Variants in ENTREP2 observed in about 807,000 individuals in gnomAD.
The protein encoded by ENTREP2 is protein ENTREP2.
At chr15:29,393,223 G>C in the ENTREP2 span, among the ~76,000 whole-genome samples, 6 of 152,144 alleles carry the variant, frequency 3.9e-5, no homozygotes, top group African/African-American at 1.4e-4. Context: ...TGCATGCATT[G>C]CTTGCTGTTC....
chr15:29,327,213 A>G, the ENTREP2 span, among the ~76,000 whole-genome samples: 2 of 152,208 alleles, frequency 1.3e-5, no homozygotes, highest in Admixed American at 6.5e-5. Context: ...AATATTTGTA[A>G]AACACATATC....
chr15:29,478,019 A>ATATATAT, the ENTREP2 span, among the ~76,000 whole-genome samples: 1 of 54,286 alleles, frequency 1.8e-5, no homozygotes, highest in African/African-American at 9.0e-5. Flanking sequence ...ATATATATAT[A>ATATATAT]TTTTTTTTTT....
At chr15:29,608,326 T>C in the ENTREP2 span, among the ~76,000 whole-genome samples, 1 of 152,090 alleles carries the variant, frequency 6.6e-6, no homozygotes, top group Non-Finnish European at 1.5e-5. Context: ...TAGAGCCACC[T>C]GCTTTCAGGG....
At chr15:29,594,714 G>A in the ENTREP2 span, among the ~76,000 whole-genome samples, 1 of 152,074 alleles carries the variant, frequency 6.6e-6, no homozygotes, top group Admixed American at 6.6e-5. Flanking sequence ...TGTAATCCCA[G>A]CACTTTGGGA....
At chr15:29,616,574 G>T in the ENTREP2 span, among the ~76,000 whole-genome samples, 1 of 152,156 alleles carries the variant, frequency 6.6e-6, no homozygotes, top group African/African-American at 2.4e-5. Context: ...ATGACTTGAT[G>T]ATCTGATTGG....
the ENTREP2 span, among the ~76,000 whole-genome samples, chr15:29,650,815 C>A: frequency 6.6e-6 from 1 of 152,060 alleles, no homozygotes; most frequent in East Asian, 1.9e-4. Context: ...TCAAGAGCAG[C>A]CTGAGCAACA....
chr15:29,376,287 T>C, the ENTREP2 span: 1 of 152,182 alleles, frequency 6.6e-6, no homozygotes, highest in Admixed American at 6.5e-5. Context: ...GTTTCCATTA[T>C]TCATACATAA....
At chr15:29,441,394 G>A in the ENTREP2 span, among the ~76,000 whole-genome samples, 1 of 152,122 alleles carries the variant, frequency 6.6e-6, no homozygotes, top group African/African-American at 2.4e-5. Context: ...TGGATGGATG[G>A]TGGTAGTCAT....
the ENTREP2 span, among the ~76,000 whole-genome samples, chr15:29,532,403 A>G: frequency 6.6e-6 from 1 of 152,226 alleles, no homozygotes; most frequent in African/African-American, 2.4e-5. Flanking sequence ...TTAAAAATGC[A>G]CTTGATTTAG....
At chr15:29,444,458 CTTTT>C in the ENTREP2 span, among the ~76,000 whole-genome samples, 1 of 129,508 alleles carries the variant, frequency 7.7e-6, no homozygotes, top group Non-Finnish European at 1.7e-5. Context: ...CAGCTTCCTT[CTTTT>C]TTTTCTTTTT....
the ENTREP2 span, chr15:29,252,228 T>C: frequency 2.0e-6 from 1 of 509,034 alleles, no homozygotes; most frequent in Non-Finnish European, 3.5e-6. Context: ...TTAACCTAAA[T>C]ACCCTAAACT....
chr15:29,555,745 C>A, the ENTREP2 span, among the ~76,000 whole-genome samples: 2 of 152,232 alleles, frequency 1.3e-5, no homozygotes, highest in Non-Finnish European at 2.9e-5. Flanking sequence ...CCTAACTCCC[C>A]TCTGAGAGTT....
chr15:29,349,588 G>T, the ENTREP2 span, among the ~76,000 whole-genome samples: 17 of 152,280 alleles, frequency 1.1e-4, no homozygotes, highest in African/African-American at 3.6e-4. Flanking sequence ...AACTTATAGT[G>T]ATAACCCAAC....
the ENTREP2 span, among the ~76,000 whole-genome samples, chr15:29,338,447 GA>G: frequency 6.7e-6 from 1 of 148,460 alleles, no homozygotes. Flanking sequence ...AAAAAGAAAA[GA>G]AAAAAAAGAA....
At chr15:29,422,825 G>A in the ENTREP2 span, among the ~76,000 whole-genome samples, 164 of 152,266 alleles carry the variant, frequency 1.1e-3, 1 homozygote, top group African/African-American at 3.7e-3. Context: ...TGGATCCAGG[G>A]GGATGGAACT....
At chr15:29,136,036 C>T in the ENTREP2 span, among the ~76,000 whole-genome samples, 1,347 of 152,310 alleles carry the variant, frequency 8.8e-3, 10 homozygotes, top group Non-Finnish European at 0.013. Flanking sequence ...GGCTGTGACT[C>T]GTGGCTGCAG....
the ENTREP2 span, among the ~76,000 whole-genome samples, chr15:29,667,194 T>C: frequency 2.0e-5 from 3 of 147,848 alleles, no homozygotes; most frequent in African/African-American, 7.4e-5. Context: ...TTTCTTTCCT[T>C]TTTTTTTTTT....
chr15:29,392,018 CAG>C, the ENTREP2 span, among the ~76,000 whole-genome samples: 1 of 152,124 alleles, frequency 6.6e-6, no homozygotes, highest in African/African-American at 2.4e-5. Context: ...TTAGTAGAGA[CAG>C]GGTTTCACTG....
chr15:29,603,642 T>A, the ENTREP2 span, among the ~76,000 whole-genome samples: 3 of 152,130 alleles, frequency 2.0e-5, no homozygotes, highest in East Asian at 5.8e-4. Context: ...AATTAATTAA[T>A]TTATTTATTT....
Sources: allele counts gnomAD v4.1 joint callset (sites outside exome capture counted in the v4.1 genomes callset), GRCh38; gene constraint gnomAD v4.1.1; transcripts MANE v1.5; gene names NCBI Gene and HGNC (gene_info 2026-07-23, HGNC 2026-07-21).